PAPPA2: variants seen among roughly 807,000 people sequenced by gnomAD.
PAPPA2 encodes pappalysin 2.
A neutral mutation model predicts 176.4 loss-of-function variants in PAPPA2; 86 were observed. The ratio of observed to expected loss-of-function variants is 0.49; its 90% CI spans 0.41 to 0.58. PAPPA2 has a LOEUF of 0.58. PAPPA2 is among the 20% of genes least tolerant of loss of function. The probability of loss-of-function intolerance (pLI) is 0.00; values close to 1 mark genes in which losing one functional copy is unlikely to be tolerated. For synonymous variants in PAPPA2, 809 were observed against 852.2 expected (o/e 0.95, Z 0.88); for missense variants, 2,073 against 2,256.9 (o/e 0.92, Z 1.65).
chr1:176,605,745 C>T (rs185837927), intron 3 of PAPPA2, among the ~76,000 whole-genome samples: 4 of 152,246 alleles, frequency 2.6e-5, no homozygotes, highest in East Asian at 3.9e-4. Context: ...TTTAAGAAAC[C>T]GTGGCCAAAA....
intron 1 of PAPPA2, among the ~76,000 whole-genome samples, chr1:176,505,279 G>A (rs1648193345): frequency 6.6e-6 from 1 of 152,048 alleles, no homozygotes; most frequent in Non-Finnish European, 1.5e-5. Context: ...CAATGCATTT[G>A]TGCTTTAAAA....
chr1:176,812,737 T>C (rs1013720292), intron 21 of PAPPA2, among the ~76,000 whole-genome samples: 12 of 152,174 alleles, frequency 7.9e-5, no homozygotes, highest in Non-Finnish European at 1.6e-4. Flanking sequence ...AAGGACTGAG[T>C]GCTAGCAATG....
intron 1 of PAPPA2, among the ~76,000 whole-genome samples, chr1:176,540,455 T>C (rs1573015192): frequency 6.6e-6 from 1 of 152,226 alleles, no homozygotes; most frequent in Non-Finnish European, 1.5e-5. Context: ...AATTCTGAGA[T>C]AGCACTGATA....
intron 2 of PAPPA2, among the ~76,000 whole-genome samples, chr1:176,574,241 A>T (rs941197387): frequency 1.5e-4 from 23 of 152,182 alleles, no homozygotes; most frequent in African/African-American, 5.6e-4. Flanking sequence ...AATAATATGG[A>T]ATATTTATTA....
intron 14 of PAPPA2, among the ~76,000 whole-genome samples, chr1:176,762,411 C>T (rs1254847951): frequency 2.0e-5 from 3 of 152,172 alleles, no homozygotes; most frequent in African/African-American, 7.2e-5. Flanking sequence ...GAGGCTCATT[C>T]AGAGCATTTG....
At chr1:176,587,001 G>A (rs1005405581) in intron 2 of PAPPA2, among the ~76,000 whole-genome samples, 2 of 152,088 alleles carry the variant, frequency 1.3e-5, no homozygotes, top group African/African-American at 4.8e-5. Flanking sequence ...GGCAGGAGAT[G>A]GTGTCTCATT....
intron 1 of PAPPA2, among the ~76,000 whole-genome samples, chr1:176,547,417 A>G (rs1252886053): frequency 1.3e-5 from 2 of 152,200 alleles, no homozygotes; most frequent in African/African-American, 4.8e-5. Context: ...AAGATTATAT[A>G]ATCATGTCTA....
At chr1:176,603,106 A>G (rs1204853506) in intron 3 of PAPPA2, among the ~76,000 whole-genome samples, 1 of 152,216 alleles carries the variant, frequency 6.6e-6, no homozygotes, top group Non-Finnish European at 1.5e-5. Context: ...GGTTAAAAAT[A>G]TTTCCTTTTA....
chr1:176,702,362 G>A (rs920748965), intron 8 of PAPPA2, among the ~76,000 whole-genome samples: 1 of 152,210 alleles, frequency 6.6e-6, no homozygotes, highest in African/African-American at 2.4e-5. Flanking sequence ...CAGTGTTAAC[G>A]CAGCAAGCAT....
chr1:176,794,065 T>C (rs1412159747), intron 20 of PAPPA2, among the ~76,000 whole-genome samples: 1 of 152,122 alleles, frequency 6.6e-6, no homozygotes, highest in African/African-American at 2.4e-5. Context: ...AAAATTCAAG[T>C]ATATCAAGTA....
intron 21 of PAPPA2, among the ~76,000 whole-genome samples, chr1:176,827,896 A>G (rs1306161029): frequency 6.6e-6 from 1 of 152,170 alleles, no homozygotes; most frequent in East Asian, 1.9e-4. Context: ...ATTATAAAAG[A>G]AAGTTTTCTA....
At chr1:176,558,410 C>A (rs191769190) in intron 2 of PAPPA2, among the ~76,000 whole-genome samples, 3 of 152,140 alleles carry the variant, frequency 2.0e-5, no homozygotes, top group Non-Finnish European at 4.4e-5. Context: ...GGAAAGAAGT[C>A]GGCAAGGAGG....
intron 12 of PAPPA2, among the ~76,000 whole-genome samples, chr1:176,719,748 C>T (rs1228830277): frequency 6.6e-6 from 1 of 152,178 alleles, no homozygotes; most frequent in Non-Finnish European, 1.5e-5. Context: ...ATTCAAATTT[C>T]ACTTCCCAGT....
intron 14 of PAPPA2, among the ~76,000 whole-genome samples, chr1:176,748,826 C>T (rs1054426387): frequency 3.3e-5 from 5 of 152,138 alleles, no homozygotes; most frequent in African/African-American, 1.2e-4. Flanking sequence ...CAGTAGGCTA[C>T]ACCATATAGC....
chr1:176,642,749 A>G (rs1480697044), intron 3 of PAPPA2, among the ~76,000 whole-genome samples: 5 of 151,974 alleles, frequency 3.3e-5, no homozygotes, highest in Admixed American at 3.3e-4. Context: ...AAGAATGAAT[A>G]TGGAGGAGAA....
intron 21 of PAPPA2, among the ~76,000 whole-genome samples, chr1:176,802,761 A>G (rs953810431): frequency 2.0e-5 from 3 of 152,194 alleles, no homozygotes; most frequent in African/African-American, 7.2e-5. Flanking sequence ...CCAGCTCAGT[A>G]TCCTCAGCCC....
intron 3 of PAPPA2, among the ~76,000 whole-genome samples, chr1:176,596,995 A>T (rs1403549194): frequency 1.3e-5 from 2 of 152,176 alleles, no homozygotes; most frequent in African/African-American, 4.8e-5. Flanking sequence ...GCTTCCACCC[A>T]ATGTCTTGAT....
intron 7 of PAPPA2, among the ~76,000 whole-genome samples, chr1:176,696,541 A>G (rs1315087983): frequency 6.6e-6 from 1 of 152,148 alleles, no homozygotes; most frequent in Non-Finnish European, 1.5e-5. Context: ...ACAGTCACAC[A>G]TTCACTCACA....
chr1:176,753,807 C>A (rs1372165667), intron 14 of PAPPA2, among the ~76,000 whole-genome samples: 1 of 152,008 alleles, frequency 6.6e-6, no homozygotes, highest in Non-Finnish European at 1.5e-5. Context: ...TACACAGTTT[C>A]TTTTAAGCAA....
Sources: gnomAD v4.1 joint callset for allele counts (sites outside exome capture counted in the v4.1 genomes callset) on GRCh38, gnomAD v4.1.1 for gene constraint, MANE v1.5 for transcripts, NCBI Gene and HGNC (gene_info 2026-07-23, HGNC 2026-07-21) for gene names.